Variants in SGCZ observed in about 807,000 individuals in gnomAD.
SGCZ encodes the protein zeta-sarcoglycan.
In SGCZ, 40 loss-of-function variants were observed where a neutral mutation model predicts 41.3. That is an observed-to-expected ratio of 0.97 (90% confidence interval 0.75 to 1.26). The LOEUF (loss-of-function observed/expected upper bound fraction) is 1.26. SGCZ is among the 50% of genes most tolerant of loss of function. The probability of loss-of-function intolerance (pLI) is 0.00; values close to 1 mark genes in which losing one functional copy is unlikely to be tolerated. For missense variants in SGCZ, 552 were observed against 369.8 expected (o/e 1.49, Z -4.04); for synonymous variants, 206 against 137.5 (o/e 1.50, Z -3.49).
intron 1 of SGCZ, among the ~76,000 whole-genome samples, chr8:15,064,934 G>C (rs538185776): frequency 1.1e-4 from 17 of 152,288 alleles, no homozygotes; most frequent in African/African-American, 4.1e-4. Flanking sequence ...CTTGACATCA[G>C]TTGCGGTTTA....
chr8:14,279,123 C>G (rs1011666940), intron 3 of SGCZ, among the ~76,000 whole-genome samples: 3 of 151,970 alleles, frequency 2.0e-5, no homozygotes, highest in African/African-American at 7.3e-5. Context: ...CCCTAGAAAT[C>G]AGAGCCGGAG....
chr8:14,348,586 T>C (rs13249475), intron 2 of SGCZ, among the ~76,000 whole-genome samples: 152,143 of 152,274 alleles, frequency 1, 76,006 homozygotes, highest in Non-Finnish European at 1. Context: ...AATGCTGGCA[T>C]ACAACTGAAA....
intron 1 of SGCZ, among the ~76,000 whole-genome samples, chr8:15,221,539 G>C (rs999663082): frequency 3.9e-5 from 6 of 152,054 alleles, no homozygotes; most frequent in Admixed American, 6.6e-5. Context: ...CCTATCATAG[G>C]CTAGTTCAAA....
chr8:15,158,399 T>A (rs1210834225), intron 1 of SGCZ, among the ~76,000 whole-genome samples: 1 of 152,218 alleles, frequency 6.6e-6, no homozygotes, highest in Non-Finnish European at 1.5e-5. Context: ...GCATTTTTTA[T>A]GTGCATATAG....
intron 1 of SGCZ, among the ~76,000 whole-genome samples, chr8:15,186,364 A>T (rs1331610049): frequency 6.6e-6 from 1 of 151,366 alleles, no homozygotes; most frequent in Non-Finnish European, 1.5e-5. Flanking sequence ...GCTGATATAA[A>T]TACTGGCTCC....
intron 2 of SGCZ, among the ~76,000 whole-genome samples, chr8:14,547,843 T>C (rs948796853): frequency 4.6e-5 from 7 of 152,186 alleles, no homozygotes; most frequent in African/African-American, 1.7e-4. Context: ...ACATCATCAA[T>C]CTTGTTAATA....
intron 1 of SGCZ, among the ~76,000 whole-genome samples, chr8:14,928,543 T>G (rs918826966): frequency 6.6e-6 from 1 of 152,206 alleles, no homozygotes; most frequent in Non-Finnish European, 1.5e-5. Flanking sequence ...GCCTCTAAAT[T>G]TAGCTTTAAA....
chr8:15,191,228 T>G (rs1800526668), intron 1 of SGCZ, among the ~76,000 whole-genome samples: 1 of 152,122 alleles, frequency 6.6e-6, no homozygotes, highest in African/African-American at 2.4e-5. Flanking sequence ...TAAACTTAAT[T>G]ACATATATTG....
chr8:15,186,998 G>C (rs1585653297), intron 1 of SGCZ, among the ~76,000 whole-genome samples: 1 of 152,008 alleles, frequency 6.6e-6, no homozygotes, highest in Non-Finnish European at 1.5e-5. Flanking sequence ...TGTTATAGTA[G>C]AAATCACCCT....
chr8:14,698,811 AC>A (rs1303584345), intron 1 of SGCZ, among the ~76,000 whole-genome samples: 1 of 151,920 alleles, frequency 6.6e-6, no homozygotes, highest in African/African-American at 2.4e-5. Context: ...ACAATCAGGG[AC>A]AGATTGAATT....
chr8:14,232,140 T>TAC (rs1207642045), intron 4 of SGCZ, among the ~76,000 whole-genome samples: 2 of 151,188 alleles, frequency 1.3e-5, no homozygotes, highest in African/African-American at 2.4e-5. Flanking sequence ...TTTCATCATA[T>TAC]ATATATACAT....
intron 5 of SGCZ, among the ~76,000 whole-genome samples, chr8:14,157,158 A>T (rs1461435794): frequency 1.3e-5 from 2 of 151,908 alleles, no homozygotes; most frequent in African/African-American, 4.8e-5. Flanking sequence ...TAGGATGCTT[A>T]TGACATCACT....
At chr8:15,061,997 T>C (rs974849770) in intron 1 of SGCZ, among the ~76,000 whole-genome samples, 3 of 152,210 alleles carry the variant, frequency 2.0e-5, no homozygotes, top group African/African-American at 2.4e-5. Flanking sequence ...CAAAGTTTAT[T>C]ATCTATGAAA....
chr8:14,992,367 C>A (rs2130896483), intron 1 of SGCZ, among the ~76,000 whole-genome samples: 1 of 149,624 alleles, frequency 6.7e-6, no homozygotes, highest in African/African-American at 2.5e-5. Flanking sequence ...CTCCCAAAAC[C>A]AATGTTACCC....
At chr8:14,801,172 T>C (rs1299226749) in intron 1 of SGCZ, among the ~76,000 whole-genome samples, 1 of 152,226 alleles carries the variant, frequency 6.6e-6, no homozygotes, top group African/African-American at 2.4e-5. Flanking sequence ...TATATGTGTG[T>C]ATGTGTGTTT....
chr8:14,348,480 G>C (rs1287752945), intron 2 of SGCZ, among the ~76,000 whole-genome samples: 1 of 152,086 alleles, frequency 6.6e-6, no homozygotes, highest in East Asian at 1.9e-4. Flanking sequence ...CAGTATATTT[G>C]AGTCATATAT....
chr8:14,357,626 T>A (rs577626665), intron 2 of SGCZ, among the ~76,000 whole-genome samples: 6 of 152,270 alleles, frequency 3.9e-5, no homozygotes, highest in African/African-American at 1.4e-4. Context: ...CAACTTTCCC[T>A]GGGAAGTATA....
intron 2 of SGCZ, among the ~76,000 whole-genome samples, chr8:14,516,731 T>C (rs1234091712): frequency 6.6e-6 from 1 of 152,116 alleles, no homozygotes; most frequent in Non-Finnish European, 1.5e-5. Flanking sequence ...GCGTCTTTCA[T>C]CATTAGCTGC....
chr8:14,384,533 C>A (rs1804498321), intron 2 of SGCZ, among the ~76,000 whole-genome samples: 1 of 152,048 alleles, frequency 6.6e-6, no homozygotes, highest in Non-Finnish European at 1.5e-5. Flanking sequence ...TTAGCTATGT[C>A]TAATTACTTG....
Sources: gnomAD v4.1 joint callset for allele counts (sites outside exome capture counted in the v4.1 genomes callset) on GRCh38, gnomAD v4.1.1 for gene constraint, MANE v1.5 for transcripts, NCBI Gene and HGNC (gene_info 2026-07-23, HGNC 2026-07-21) for gene names.